The following SYT1 variants were observed in gnomAD, a reference collection of about 807,000 sequenced individuals.
SYT1 encodes the protein synaptotagmin 1, also known as synaptotagmin-1.
SYT1 carries 8 observed loss-of-function variants against 44.8 expected under a neutral mutation model. That is an observed-to-expected ratio of 0.18 (90% CI 0.10 to 0.32). The LOEUF is 0.32. Among genes scored for constraint, SYT1 ranks in the 10% least tolerant of loss-of-function variants. The pLI, the probability that SYT1 is intolerant of heterozygous loss-of-function variation, is 1.00. For synonymous variants in SYT1, 154 were observed against 188.8 expected (o/e 0.82, Z 1.51); for missense variants, 286 against 509.3 (o/e 0.56, Z 4.22).
intron 3 of SYT1, among the ~76,000 whole-genome samples, chr12:79,154,009 A>T (rs1009606515): frequency 6.6e-6 from 1 of 152,126 alleles, no homozygotes; most frequent in Non-Finnish European, 1.5e-5. Context: ...TCTGAGAATC[A>T]AGCCCCTGAC....
chr12:79,084,750 A>T (rs1877267477), intron 3 of SYT1, among the ~76,000 whole-genome samples: 1 of 152,194 alleles, frequency 6.6e-6, no homozygotes. Flanking sequence ...TTTTAAAAAG[A>T]ACAAAATTGT....
chr12:79,415,565 T>C (rs1868683478), intron 9 of SYT1, among the ~76,000 whole-genome samples: 1 of 152,212 alleles, frequency 6.6e-6, no homozygotes, highest in African/African-American at 2.4e-5. Flanking sequence ...AATAGCTGCC[T>C]ACGATTCCCT....
intron 1 of SYT1, among the ~76,000 whole-genome samples, chr12:78,893,542 G>A (rs1476173385): frequency 6.6e-6 from 1 of 151,702 alleles, no homozygotes; most frequent in Non-Finnish European, 1.5e-5. Context: ...TACTCATGAA[G>A]TCTGAACTAT....
intron 4 of SYT1, among the ~76,000 whole-genome samples, chr12:79,230,110 T>A (rs1875783351): frequency 6.6e-6 from 1 of 152,190 alleles, no homozygotes; most frequent in African/African-American, 2.4e-5. Flanking sequence ...AGGACATACA[T>A]GTAGATGGAA....
intron 2 of SYT1, among the ~76,000 whole-genome samples, chr12:79,034,416 T>C (rs191185219): frequency 1.3e-5 from 2 of 151,774 alleles, no homozygotes; most frequent in African/African-American, 4.8e-5. Flanking sequence ...AAAATTGATT[T>C]ACTACCCTCT....
chr12:78,967,102 A>T (rs763093536), intron 1 of SYT1, among the ~76,000 whole-genome samples: 23 of 152,148 alleles, frequency 1.5e-4, no homozygotes, highest in Admixed American at 6.6e-5. Context: ...GTTTTTACCC[A>T]CACATCTTAT....
chr12:78,954,736 A>G (rs1205870316), intron 1 of SYT1, among the ~76,000 whole-genome samples: 1 of 152,122 alleles, frequency 6.6e-6, no homozygotes, highest in Non-Finnish European at 1.5e-5. Context: ...GAAAAATAAA[A>G]TATGTAACTC....
intron 9 of SYT1, among the ~76,000 whole-genome samples, chr12:79,399,049 G>C (rs1884976347): frequency 6.6e-6 from 1 of 152,132 alleles, no homozygotes; most frequent in African/African-American, 2.4e-5. Flanking sequence ...GTCAGTCAAT[G>C]TTGACAACAT....
intron 3 of SYT1, among the ~76,000 whole-genome samples, chr12:79,126,711 T>C (rs1592771988): frequency 6.6e-6 from 1 of 152,326 alleles, no homozygotes; most frequent in Non-Finnish European, 1.5e-5. Context: ...TTTTCAGACC[T>C]ACAATAAGAC....
At chr12:79,087,278 A>G (rs532731402) in intron 3 of SYT1, among the ~76,000 whole-genome samples, 3 of 152,274 alleles carry the variant, frequency 2.0e-5, no homozygotes, top group African/African-American at 7.2e-5. Flanking sequence ...TTAAAAAAGC[A>G]GAAGGAGAGT....
rs562501779 is a variant in SYT1, at chr12:79,292,784, A to G, written c.474+654A>G. On this transcript the variant is annotated intron_variant, in intron 6 of 10. Coordinates refer to ENST00000261205, the MANE Select transcript of SYT1 (RefSeq NM_005639.3). Reference sequence around the variant, plus strand: ...CGGACATTTTTGCTTCAATTTCTCAAGAAGTCATGAAATGTCACCTAGATG... The same window carrying G: ...CGGACATTTTTGCTTCAATTTCTCAGGAAGTCATGAAATGTCACCTAGATG... 2.6e-4 allele frequency among the ~76,000 whole-genome samples: 40 copies of G among 152,308 alleles called. No homozygotes were observed. In the East Asian group the frequency reaches 6.0e-3, roughly 23 times the overall value.
At chr12:79,260,981 A>C (rs2138728730) in intron 4 of SYT1, among the ~76,000 whole-genome samples, 1 of 152,260 alleles carries the variant, frequency 6.6e-6, no homozygotes, top group East Asian at 1.9e-4. Context: ...CACTGTGAAC[A>C]GCTCAGTATG....
chr12:78,881,183 C>T (rs1436872705), intron 1 of SYT1, among the ~76,000 whole-genome samples: 1 of 151,584 alleles, frequency 6.6e-6, no homozygotes, highest in Non-Finnish European at 1.5e-5. Flanking sequence ...TGGCTCGTCA[C>T]AGTACTTGTC....
At chr12:78,990,854 C>T (rs1322680565) in intron 2 of SYT1, among the ~76,000 whole-genome samples, 1 of 152,170 alleles carries the variant, frequency 6.6e-6, no homozygotes, top group African/African-American at 2.4e-5. Flanking sequence ...ATATGGTATG[C>T]ACGCTGCAGC....
chr12:79,281,108 TA>T (rs1879029565), intron 4 of SYT1, among the ~76,000 whole-genome samples: 2 of 152,014 alleles, frequency 1.3e-5, no homozygotes, highest in Admixed American at 1.3e-4. Context: ...CTCAAAGAAC[TA>T]AAAACAGTTC....
chr12:79,160,922 T>G (rs1870909194), intron 3 of SYT1, among the ~76,000 whole-genome samples: 1 of 152,138 alleles, frequency 6.6e-6, no homozygotes, highest in Non-Finnish European at 1.5e-5. Context: ...ACTGCATTTA[T>G]GATAGTGGTC....
intron 4 of SYT1, among the ~76,000 whole-genome samples, chr12:79,249,183 CA>C (rs1877038642): frequency 6.9e-6 from 1 of 145,024 alleles, no homozygotes; most frequent in African/African-American, 2.6e-5. Flanking sequence ...CGGCTCACTG[CA>C]AGCTCCGCTT....
At chr12:78,939,538 T>C (rs138012477) in intron 1 of SYT1, among the ~76,000 whole-genome samples, 249 of 152,222 alleles carry the variant, frequency 1.6e-3, no homozygotes, top group African/African-American at 5.3e-3. Context: ...TTAAAATCAA[T>C]ACAAAATAAT....
At chr12:79,251,412 A>G (rs1877202456) in intron 4 of SYT1, among the ~76,000 whole-genome samples, 1 of 152,246 alleles carries the variant, frequency 6.6e-6, no homozygotes, top group Admixed American at 6.5e-5. Flanking sequence ...GAAAATAAAT[A>G]GAACTTGCTC....
Sources: gnomAD v4.1 joint callset for allele counts (sites outside exome capture counted in the v4.1 genomes callset) on GRCh38, gnomAD v4.1.1 for gene constraint, MANE v1.5 for transcripts, NCBI Gene and HGNC (gene_info 2026-07-23, HGNC 2026-07-21) for gene names.